The following NFIC variants were observed in gnomAD, a reference collection of about 807,000 sequenced individuals.
NFIC encodes the protein nuclear factor I C.
NFIC carries 12 observed loss-of-function variants against 54.4 expected under a neutral mutation model. That is an observed-to-expected ratio of 0.22 (90% confidence interval 0.14 to 0.36). The LOEUF (loss-of-function observed/expected upper bound fraction) is 0.36. Among genes scored for constraint, NFIC ranks in the 10% least tolerant of loss-of-function variants. The probability of loss-of-function intolerance (pLI) is 1.00; values close to 1 mark genes in which losing one functional copy is unlikely to be tolerated. For synonymous variants in NFIC, 322 were observed against 319.2 expected, an observed-to-expected ratio of 1.01 and a Z score of -0.09; for missense variants, 575 against 718.2, an observed-to-expected ratio of 0.80 and a Z score of 2.28.
At position 3,373,972 on chromosome 19, in the gene NFIC, C is replaced by G. The variant is rs560894880; in HGVS notation, c.30+7306C>G. The stretch of plus-strand genomic sequence containing the variant: ...AGCCTGACGCTGGTGCCGGATGGGC[C>G]TGGGGTTGTCCGTGGGACCATGGAC... On this transcript the variant is annotated intron_variant, in intron 1 of 10. Transcript: ENST00000443272. Among the ~76,000 whole-genome samples, 3 of 152,322 alleles carry G rather than the reference C, an allele frequency of 2.0e-5. No individual in the cohort carries two copies. The East Asian group carries it at 5.8e-4, about 29-fold the overall frequency.
intron 2 of NFIC, among the ~76,000 whole-genome samples, chr19:3,394,519 A>ACACCCCCCCCCCCCCCCC (rs1555744611): frequency 2.1e-5 from 1 of 47,352 alleles, no homozygotes; most frequent in African/African-American, 1.4e-4. Context: ...TCTTTTCCCC[A>ACACCCCCCCCCCCCCCCC]CCCACCCCCC....
intron 6 of NFIC, among the ~76,000 whole-genome samples, chr19:3,441,685 C>CG (rs2082296116): frequency 6.6e-6 from 1 of 151,152 alleles, no homozygotes; most frequent in African/African-American, 2.4e-5. Flanking sequence ...CCAGAGGGGC[C>CG]GGGGGCACAG....
At chr19:3,431,578 A>T (rs1208760302) in intron 3 of NFIC, among the ~76,000 whole-genome samples, 1 of 151,360 alleles carries the variant, frequency 6.6e-6, no homozygotes, top group Non-Finnish European at 1.5e-5. Context: ...CATGTTGCCC[A>T]GTCCCGTCTC....
At chr19:3,401,367 G>T (rs563076459) in intron 2 of NFIC, among the ~76,000 whole-genome samples, 1 of 152,106 alleles carries the variant, frequency 6.6e-6, no homozygotes, top group Non-Finnish European at 1.5e-5. Context: ...AGAGTGGACC[G>T]CCCTGGTGCA....
intron 2 of NFIC, among the ~76,000 whole-genome samples, chr19:3,415,882 C>T (rs1417752680): frequency 6.6e-6 from 1 of 151,982 alleles, no homozygotes; most frequent in Admixed American, 6.6e-5. Flanking sequence ...CCTGGCCAGG[C>T]GAGGTGACTG....
Position 3,452,101 on chromosome 19 carries a change from CAAAAAAAA to C in NFIC, c.1085-366_1085-359del, listed in dbSNP as rs777727186. On this transcript the variant is annotated intron_variant, in intron 7 of 10. Coordinates refer to ENST00000443272, the MANE Select transcript of NFIC (RefSeq NM_001245002.2). The surrounding 1 kb of genome is among the most constrained non-coding windows in gnomAD (Gnocchi z 5.3). The stretch of plus-strand genomic sequence containing the variant: ...TGCACTCCAGCCTGGGTGACTGTCT[CAAAAAAAA>C]AAAAAAAAAAAAAAGACCAGGCTCA... Among the ~76,000 whole-genome samples the C allele has an allele frequency of 1.8e-5, 1 of 54,530 alleles. No homozygotes were observed. Among genetic ancestry groups the C allele is most frequent in the Admixed American group, 2.1e-4 (1 of 4,720 alleles). The allele number at this position is 54,530 out of a possible 152,430, so 35.8% of individuals were successfully genotyped here.
In NFIC at chr19:3,437,635, C is replaced by CAAAAA. The variant is rs397860121; in HGVS notation, c.958+2437_958+2441dup. Among the ~76,000 whole-genome samples the CAAAAA allele has an allele frequency of 2.3e-4, 18 of 77,298 alleles. 1 individual carries two copies. The highest frequency in any genetic ancestry group is 4.9e-4 in the African/African-American group (11 of 22,246). The allele number at this position is 77,298 out of a possible 152,430, so 50.7% of individuals were successfully genotyped here. A position where few individuals can be genotyped will look rare whatever the true frequency, so the allele number is the denominator to read the frequency against. On this transcript the variant is annotated intron_variant, in intron 6 of 10. Coordinates refer to ENST00000443272, the MANE Select transcript of NFIC (RefSeq NM_001245002.2). ...TGGGCAACAGAACGAGACTATGTCT[C>CAAAAA]AAAAAAAAAAAAAGAAAAAAAAAGT...
intron 6 of NFIC, among the ~76,000 whole-genome samples, chr19:3,448,711 C>A (rs1360392346): frequency 6.6e-6 from 1 of 152,148 alleles, no homozygotes; most frequent in Non-Finnish European, 1.5e-5. Context: ...GATGGGGCAG[C>A]CCTGAGCCTT....
intron 6 of NFIC, among the ~76,000 whole-genome samples, chr19:3,435,816 TTTC>T (rs1382094055): frequency 0.024 from 3,114 of 132,054 alleles, 108 homozygotes; most frequent in African/African-American, 0.075. Context: ...GGTGTCTTTC[TTTC>T]TTTCTTTCTT....
Position 3,464,206 on chromosome 19 carries a change from C to T in NFIC, c.*1437C>T. On this transcript the variant is annotated 3_prime_UTR_variant, in exon 11 of 11. Coordinates refer to ENST00000443272, the MANE Select transcript of NFIC (RefSeq NM_001245002.2). ...ACGCGGGGCCCAGCTGCGGGACGTG[C>T]ATCACGGCTGGGCCCCCAGAGGAGA... 1 of 984,612 alleles carries T rather than the reference C, an allele frequency of 1.0e-6. No individual in the cohort carries two copies. Among genetic ancestry groups the T allele is most frequent in the Non-Finnish European group, 1.2e-6 (1 of 829,934 alleles). 61.0% of individuals were successfully genotyped at this position (984,612 alleles called of 1,614,324 possible).
intron 2 of NFIC, among the ~76,000 whole-genome samples, chr19:3,418,099 C>CTT (rs778206013): frequency 8.3e-5 from 11 of 132,456 alleles, no homozygotes; most frequent in Middle Eastern, 4.1e-3. Context: ...ATTTTCTTTT[C>CTT]TTTTTTTTTT....
chr19:3,388,962 G>A (rs1158317995), intron 2 of NFIC, among the ~76,000 whole-genome samples: 1 of 151,958 alleles, frequency 6.6e-6, no homozygotes, highest in East Asian at 1.9e-4. Flanking sequence ...CTGAGCTCAT[G>A]CCACTGCACT....
At chr19:3,417,288 A>G (rs538144318) in intron 2 of NFIC, among the ~76,000 whole-genome samples, 1 of 152,266 alleles carries the variant, frequency 6.6e-6, no homozygotes, top group African/African-American at 2.4e-5. Context: ...AAGCAGAACA[A>G]CAGCAGAACT....
At chr19:3,378,931 C>G (rs928973491) in intron 1 of NFIC, among the ~76,000 whole-genome samples, 2 of 152,192 alleles carry the variant, frequency 1.3e-5, no homozygotes, top group African/African-American at 4.8e-5. Context: ...TCTTTTGATG[C>G]AGAAATCCCC....
At chr19:3,362,332 A>G (rs151033930), upstream of NFIC, among the ~76,000 whole-genome samples, 294 of 151,962 alleles carry the variant, frequency 1.9e-3, 1 homozygote, top group Non-Finnish European at 3.6e-3. Context: ...AGCTATATCC[A>G]TGCGTTGTGC....
chr19:3,429,294 A>ACACACC (rs2030498661), intron 3 of NFIC, among the ~76,000 whole-genome samples: 1 of 130,790 alleles, frequency 7.6e-6, no homozygotes, highest in Non-Finnish European at 1.6e-5. Flanking sequence ...ACACACACAC[A>ACACACC]CTAGCCAAAC....
intron 1 of NFIC, among the ~76,000 whole-genome samples, chr19:3,373,732 A>T (rs2145446130): frequency 6.6e-6 from 1 of 150,578 alleles, no homozygotes; most frequent in South Asian, 2.1e-4. Context: ...TATTTTGCTG[A>T]TTTTAACCAT....
intron 2 of NFIC, among the ~76,000 whole-genome samples, chr19:3,386,003 G>C (rs1166910151): frequency 6.7e-6 from 1 of 148,908 alleles, no homozygotes; most frequent in African/African-American, 2.5e-5. Flanking sequence ...CCCTGCGCCC[G>C]GCCCATCCTC....
chr19:3,413,741 A>G (rs1399670880), intron 2 of NFIC, among the ~76,000 whole-genome samples: 1 of 151,998 alleles, frequency 6.6e-6, no homozygotes, highest in Non-Finnish European at 1.5e-5. Context: ...GGTTCAAGCA[A>G]TTCTCCCGTC....
Sources: gnomAD v4.1 joint callset for allele counts (sites outside exome capture counted in the v4.1 genomes callset) on GRCh38, gnomAD v4.1.1 for gene constraint, Gnocchi (gnomAD v3.1) non-coding constraint, MANE v1.5 for transcripts, NCBI Gene and HGNC (gene_info 2026-07-23, HGNC 2026-07-21) for gene names.